The following GRAMD1C variants were observed in gnomAD, a reference collection of about 807,000 sequenced individuals.
The protein encoded by GRAMD1C is protein Aster-C.
In GRAMD1C, 89 loss-of-function variants were observed where a neutral mutation model predicts 97.8. That is an observed-to-expected ratio of 0.91 (90% CI 0.77 to 1.09). The LOEUF (loss-of-function observed/expected upper bound fraction) is 1.09, where lower values mean the gene tolerates loss of function less well. Among genes scored for constraint, GRAMD1C ranks in the 50% least tolerant of loss-of-function variants. The pLI is 0.00. For synonymous variants in GRAMD1C, 256 were observed against 267.0 expected (o/e 0.96, Z 0.40); for missense variants, 740 against 766.4 (o/e 0.97, Z 0.41).
intron 6 of GRAMD1C, among the ~76,000 whole-genome samples, chr3:113,889,960 G>A (rs1405601528): frequency 4.6e-5 from 7 of 151,946 alleles, no homozygotes; most frequent in Non-Finnish European, 1.0e-4. Context: ...CTTTGAAGCT[G>A]GCAGGTGGGA....
chr3:113,831,447 T>A (rs936404524), intron 1 of GRAMD1C, among the ~76,000 whole-genome samples: 2 of 152,174 alleles, frequency 1.3e-5, no homozygotes, highest in African/African-American at 4.8e-5. Flanking sequence ...GTGACAAAAT[T>A]TTTTGTAGAT....
intron 8 of GRAMD1C, 88 bp downstream of exon 8, chr3:113,904,360 A>G (rs1413671876): frequency 3.1e-6 from 3 of 954,492 alleles, no homozygotes; most frequent in Non-Finnish European, 4.7e-6. Context: ...AGTATACAAA[A>G]TGTTAAAAAT....
intron 2 of GRAMD1C, among the ~76,000 whole-genome samples, chr3:113,855,116 A>G (rs1934067240): frequency 1.3e-5 from 2 of 152,070 alleles, no homozygotes; most frequent in Non-Finnish European, 2.9e-5. Context: ...GTTTGAGACC[A>G]GCCTGACCAA....
At chr3:113,876,394 A>C in intron 5 of GRAMD1C, 134 bp downstream of exon 5, 1 of 573,734 alleles carries the variant, frequency 1.7e-6, no homozygotes, top group African/African-American at 1.9e-5. Flanking sequence ...TAATACTAGA[A>C]TTCTGTATGC....
At chr3:113,897,950 T>C (rs1936003616) in intron 6 of GRAMD1C, 1 of 160,240 alleles carries the variant, frequency 6.2e-6, no homozygotes, top group African/African-American at 2.4e-5. Context: ...TCAACATGGC[T>C]GTAAATAACC....
At chr3:113,918,217 C>T (rs1936909898) in intron 10 of GRAMD1C, among the ~76,000 whole-genome samples, 1 of 152,132 alleles carries the variant, frequency 6.6e-6, no homozygotes, top group Non-Finnish European at 1.5e-5. Context: ...AAATCTTCCT[C>T]TTTACTCAGT....
intron 10 of GRAMD1C, chr3:113,919,785 A>G (rs1267214916): frequency 2.5e-5 from 15 of 609,744 alleles, no homozygotes; most frequent in Non-Finnish European, 1.2e-5. Context: ...CATTTAAAGC[A>G]TGTAATTGTT....
intron 10 of GRAMD1C, among the ~76,000 whole-genome samples, chr3:113,922,218 C>T (rs1435635275): frequency 6.6e-6 from 1 of 151,964 alleles, no homozygotes; most frequent in Non-Finnish European, 1.5e-5. Context: ...ACTACAGGTG[C>T]ACACTACTAC....
intron 2 of GRAMD1C, among the ~76,000 whole-genome samples, chr3:113,858,417 A>T (rs1359902934): frequency 9.8e-6 from 1 of 101,574 alleles, no homozygotes; most frequent in Non-Finnish European, 1.9e-5. Context: ...TTTTTTTGAG[A>T]CAGGGTCTTA....
upstream of GRAMD1C, among the ~76,000 whole-genome samples, chr3:113,836,449 A>G (rs930120321): frequency 2.0e-5 from 3 of 151,738 alleles, no homozygotes; most frequent in Admixed American, 6.6e-5. Context: ...ACGTTTCGCT[A>G]TTTTGTTTTC....
rs78547874 is a variant in GRAMD1C, at chr3:113,915,835, A to C, written c.1087A>C (p.Ile363Leu). 12,539 of 1,606,724 alleles carry C rather than the reference A, an allele frequency of 7.8e-3. 67 individuals carry two copies. The highest frequency in any genetic ancestry group is 9.4e-3 in the Non-Finnish European group (11,067 of 1,173,790). The part of the protein sequence containing the change: ...MQKFASSRNI[I>L]DVVSTPWTAE... ...GAAATTTGCCAGTTCTAGAAATATAATAGGTTAGTCCTTGTGTTCTTACCT... is the reference window on the plus strand; with the variant it reads ...GAAATTTGCCAGTTCTAGAAATATACTAGGTTAGTCCTTGTGTTCTTACCT... Residue 363 changes from isoleucine to leucine, a missense_variant, in exon 10 of 18, where the codon ATA (isoleucine) becomes CTA (leucine). Ile to Leu is a conservative substitution (Grantham distance 5). Transcript: ENST00000358160.
At chr3:113,837,673 GT>G (rs1184580467), upstream of GRAMD1C, among the ~76,000 whole-genome samples, 2 of 152,148 alleles carry the variant, frequency 1.3e-5, no homozygotes, top group African/African-American at 4.8e-5. Context: ...GACTGCTTGA[GT>G]CCAGGAGTTC....
At chr3:113,929,551 A>C (rs1165847190) in intron 10 of GRAMD1C, among the ~76,000 whole-genome samples, 2 of 152,238 alleles carry the variant, frequency 1.3e-5, no homozygotes, top group Non-Finnish European at 2.9e-5. Flanking sequence ...GATTAACAAC[A>C]GACTGGTTGT....
chr3:113,905,573 A>G (rs929802799), intron 8 of GRAMD1C, among the ~76,000 whole-genome samples: 10 of 152,204 alleles, frequency 6.6e-5, no homozygotes, highest in Admixed American at 4.6e-4. Context: ...CTGTAAAGTG[A>G]GGATTATACT....
chr3:113,853,331 T>A (rs1577127664), intron 2 of GRAMD1C, among the ~76,000 whole-genome samples: 1 of 152,138 alleles, frequency 6.6e-6, no homozygotes, highest in Admixed American at 6.5e-5. Flanking sequence ...AGAGAAAGTA[T>A]GAAAGAGAGC....
chr3:113,848,213 G>A (rs1028202396), intron 2 of GRAMD1C, among the ~76,000 whole-genome samples: 1 of 152,062 alleles, frequency 6.6e-6, no homozygotes, highest in Non-Finnish European at 1.5e-5. Context: ...GTGATTTCAG[G>A]GTGTGGTCAT....
At chr3:113,910,653 C>T (rs941674263) in intron 9 of GRAMD1C, among the ~76,000 whole-genome samples, 1 of 152,114 alleles carries the variant, frequency 6.6e-6, no homozygotes, top group Non-Finnish European at 1.5e-5. Context: ...AAATGAAGAG[C>T]AAGTCAGATA....
At chr3:113,928,621 T>G (rs1256815621) in intron 10 of GRAMD1C, among the ~76,000 whole-genome samples, 4 of 152,218 alleles carry the variant, frequency 2.6e-5, no homozygotes, top group Admixed American at 2.0e-4. Context: ...ACCTGTTGAA[T>G]GGTAACGCTC....
intron 9 of GRAMD1C, among the ~76,000 whole-genome samples, chr3:113,909,841 A>C (rs372817624): frequency 6.6e-6 from 1 of 152,212 alleles, no homozygotes; most frequent in Non-Finnish European, 1.5e-5. Flanking sequence ...ACTCAGAACA[A>C]TACTCAAATT....
Sources: allele counts gnomAD v4.1 joint callset (sites outside exome capture counted in the v4.1 genomes callset), GRCh38; gene constraint gnomAD v4.1.1; transcripts MANE v1.5; gene names NCBI Gene and HGNC (gene_info 2026-07-23, HGNC 2026-07-21).